The following FGF12 variants were observed in gnomAD, a reference collection of about 807,000 sequenced individuals.
The protein encoded by FGF12 is fibroblast growth factor 12, also known as fibroblast growth factor 12B.
A neutral mutation model predicts 23.6 loss-of-function variants in FGF12; 14 were observed. The ratio of observed to expected loss-of-function variants is 0.59; its 90% CI spans 0.39 to 0.93. The LOEUF is 0.93. FGF12 is among the 40% of genes least tolerant of loss of function. The pLI is 0.00. For synonymous variants in FGF12, 62 were observed against 77.3 expected (o/e 0.80, Z 1.04); for missense variants, 175 against 217.8 (o/e 0.80, Z 1.24).
chr3:192,530,755 T>C (rs1024299938), intron 2 of FGF12, among the ~76,000 whole-genome samples: 3 of 152,278 alleles, frequency 2.0e-5, no homozygotes, highest in Middle Eastern at 3.4e-3. Flanking sequence ...GACTTATACA[T>C]ATACTAAGAA....
chr3:192,304,192 A>C (rs1212696544), intron 4 of FGF12, among the ~76,000 whole-genome samples: 5 of 152,178 alleles, frequency 3.3e-5, no homozygotes, highest in Non-Finnish European at 7.4e-5. Context: ...ATAGAACCCA[A>C]AAACACATGT....
intron 2 of FGF12, among the ~76,000 whole-genome samples, chr3:192,725,696 C>A (rs999109950): frequency 3.3e-5 from 5 of 151,970 alleles, no homozygotes; most frequent in African/African-American, 1.2e-4. Context: ...ATTTAGTGAC[C>A]AAATACCAGG....
At chr3:192,309,918 T>C (rs894299036) in intron 4 of FGF12, among the ~76,000 whole-genome samples, 2 of 152,194 alleles carry the variant, frequency 1.3e-5, no homozygotes, top group African/African-American at 4.8e-5. Flanking sequence ...TATTTTAGAG[T>C]ACTTCTTCTT....
At chr3:192,490,057 T>C (rs1286696313) in intron 2 of FGF12, among the ~76,000 whole-genome samples, 1 of 152,054 alleles carries the variant, frequency 6.6e-6, no homozygotes, top group African/African-American at 2.4e-5. Context: ...TTGAGAAAAA[T>C]CCATCCTCAT....
rs140666839 is a variant in FGF12 at position 192,565,369 on chromosome 3, G to C, written c.13+161812C>G. ...ATATTAGTTGAACACTAAATTATAG[G>C]CACTGATGTGAATTCGCTCATTTTA... On this transcript the variant is annotated intron_variant, in intron 2 of 5. Transcript: ENST00000445105. 3.6e-3 allele frequency among the ~76,000 whole-genome samples: 543 copies of C among 152,316 alleles called. 4 individuals carry two copies. The highest frequency in any genetic ancestry group is 0.013 in the African/African-American group (520 of 41,572).
intron 2 of FGF12, among the ~76,000 whole-genome samples, chr3:192,669,073 CAA>C (rs1160708965): frequency 6.6e-6 from 1 of 151,680 alleles, no homozygotes; most frequent in Non-Finnish European, 1.5e-5. Flanking sequence ...GGCAAGCAAA[CAA>C]GATAAGATTT....
At chr3:192,257,261 T>G (rs1712457011) in intron 4 of FGF12, among the ~76,000 whole-genome samples, 1 of 152,170 alleles carries the variant, frequency 6.6e-6, no homozygotes, top group Non-Finnish European at 1.5e-5. Context: ...CATTAGCATT[T>G]AGCTATAGAA....
At chr3:192,585,506 G>T (rs770571771) in intron 2 of FGF12, among the ~76,000 whole-genome samples, 1 of 152,032 alleles carries the variant, frequency 6.6e-6, no homozygotes, top group African/African-American at 2.4e-5. Context: ...GAGATTCTAG[G>T]CTCAGTGATT....
At chr3:192,560,362 C>T (rs1269651175) in intron 2 of FGF12, among the ~76,000 whole-genome samples, 1 of 150,650 alleles carries the variant, frequency 6.6e-6, no homozygotes, top group Non-Finnish European at 1.5e-5. Context: ...TAATAAAGAG[C>T]AAAAATCAAA....
At chr3:192,637,078 T>C (rs1715609441) in intron 2 of FGF12, among the ~76,000 whole-genome samples, 1 of 152,212 alleles carries the variant, frequency 6.6e-6, no homozygotes, top group Non-Finnish European at 1.5e-5. Flanking sequence ...GATAAATAGA[T>C]GTTTCCTTTA....
chr3:192,541,138 T>A (rs1197255919), intron 2 of FGF12, among the ~76,000 whole-genome samples: 3 of 152,176 alleles, frequency 2.0e-5, no homozygotes, highest in Non-Finnish European at 4.4e-5. Context: ...TTGTTATTGA[T>A]AAGCAAGGAC....
At chr3:192,467,120 C>T (rs1723033829) in intron 2 of FGF12, among the ~76,000 whole-genome samples, 1 of 152,052 alleles carries the variant, frequency 6.6e-6, no homozygotes, top group Non-Finnish European at 1.5e-5. Flanking sequence ...TCTAGAGAGG[C>T]CCTGTGCAAA....
intron 2 of FGF12, among the ~76,000 whole-genome samples, chr3:192,414,417 T>C (rs1024589553): frequency 6.6e-6 from 1 of 152,236 alleles, no homozygotes; most frequent in African/African-American, 2.4e-5. Flanking sequence ...GTTTCCCTTT[T>C]ACCTCTGTGC....
At position 192,683,719 on chromosome 3, in the gene FGF12, G is replaced by A. The variant is rs61485807; in HGVS notation, c.13+43462C>T. On this transcript the variant is annotated intron_variant, in intron 2 of 5. Transcript: ENST00000445105. ...ATCATCTCTTTAAATGCTACTCTGC[G>A]GGGCTTATTTTTATCACTCTCAAGC... Among the ~76,000 whole-genome samples the A allele has an allele frequency of 6.9e-3, 1,055 of 152,212 alleles. 8 individuals carry two copies. Among genetic ancestry groups the A allele is most frequent in the Admixed American group, 0.02 (306 of 15,288 alleles).
chr3:192,257,363 A>G (rs56776643), intron 4 of FGF12, among the ~76,000 whole-genome samples: 2,095 of 152,196 alleles, frequency 0.014, 36 homozygotes, highest in East Asian at 0.046. Context: ...CCTGTCCATC[A>G]CCCAGATGAT....
intron 4 of FGF12, among the ~76,000 whole-genome samples, chr3:192,317,038 A>T (rs1489215279): frequency 6.6e-6 from 1 of 152,072 alleles, no homozygotes; most frequent in Admixed American, 6.5e-5. Flanking sequence ...TTCTGGCAGG[A>T]TCCATCACCA....
At chr3:192,676,028 C>T (rs548060368) in intron 2 of FGF12, among the ~76,000 whole-genome samples, 2 of 152,286 alleles carry the variant, frequency 1.3e-5, no homozygotes, top group South Asian at 4.1e-4. Flanking sequence ...TTGACAAAGC[C>T]TGTCCAAATG....
intron 2 of FGF12, among the ~76,000 whole-genome samples, chr3:192,719,359 T>G (rs543598362): frequency 1.3e-4 from 20 of 152,318 alleles, no homozygotes; most frequent in Non-Finnish European, 2.5e-4. Flanking sequence ...TTGCTTTAGT[T>G]GTCTCCTTCA....
chr3:192,302,708 A>T (rs753097221), intron 4 of FGF12, among the ~76,000 whole-genome samples: 27 of 152,330 alleles, frequency 1.8e-4, no homozygotes, highest in South Asian at 1.7e-3. Context: ...CATACAAAGG[A>T]AGAACTCTGA....
Sources: allele counts gnomAD v4.1 joint callset (sites outside exome capture counted in the v4.1 genomes callset), GRCh38; gene constraint gnomAD v4.1.1; transcripts MANE v1.5; gene names NCBI Gene and HGNC (gene_info 2026-07-23, HGNC 2026-07-21).